Variants in KRT72 observed in about 807,000 individuals in gnomAD.
KRT72 encodes the protein keratin, type II cytoskeletal 72.
In KRT72, 44 loss-of-function variants were observed where a neutral mutation model predicts 44.7. That is an observed-to-expected ratio of 0.98 (90% CI 0.77 to 1.27). The LOEUF (loss-of-function observed/expected upper bound fraction) is 1.27. Among genes scored for constraint, KRT72 ranks in the 50% most tolerant of loss-of-function variants. The probability of loss-of-function intolerance (pLI) is 0.00; values close to 1 mark genes in which losing one functional copy is unlikely to be tolerated. For synonymous variants in KRT72, 302 were observed against 280.4 expected (o/e 1.08, Z -0.77); for missense variants, 736 against 667.1 (o/e 1.10, Z -1.14).
chr12:52,586,806 C>A lies in KRT72; in HGVS notation c.1345+140G>T, dbSNP rs1345495811. 13 of 787,230 alleles carry A rather than the reference C, an allele frequency of 1.7e-5. No individual in the cohort carries two copies. In the East Asian group the frequency reaches 3.0e-4, roughly 18 times the overall value. 48.8% of individuals were successfully genotyped at this position (787,230 alleles called of 1,614,324 possible). A position where few individuals can be genotyped will look rare whatever the true frequency, so the allele number is the denominator to read the frequency against. On this transcript the variant is annotated intron_variant, in intron 8 of 8. Transcript: ENST00000293745. Reference sequence around the variant, plus strand: ...ATCCACTGCTTCCCCTTAGTTACTACAGCCAGCTCCTTCCTTTTTCCCTTA... The same window carrying A: ...ATCCACTGCTTCCCCTTAGTTACTAAAGCCAGCTCCTTCCTTTTTCCCTTA...
chr12:52,587,871 A>T lies in KRT72; in HGVS notation c.1090-20T>A. 1.2e-6 allele frequency: 2 copies of T among 1,608,228 alleles called. No individual in the cohort carries two copies. Among genetic ancestry groups the T allele is most frequent in the Non-Finnish European group, 1.7e-6 (2 of 1,175,944 alleles). ...GGCACACTGAGGGGCAAACAGATCC[A>T]GCACTTAAGAGTCAGAGCCCAGTTC... On this transcript the variant is annotated intron_variant, in intron 6 of 8. Coordinates refer to ENST00000293745, the MANE Select transcript of KRT72 (RefSeq NM_080747.3).
At chr12:52,602,821 G>T (rs1940522147), upstream of KRT72, among the ~76,000 whole-genome samples, 1 of 152,210 alleles carries the variant, frequency 6.6e-6, no homozygotes, top group African/African-American at 2.4e-5. Flanking sequence ...GGTACCTGGG[G>T]GTAATTGGCT....
At position 52,601,014 on chromosome 12, in the gene KRT72, C is replaced by T. The variant is rs1940419903; in HGVS notation, c.426+13G>A. On this transcript the variant is annotated intron_variant, in intron 1 of 8. Transcript: ENST00000293745. ...CGCCCAACGCAGGGACAGGCCAATG[C>T]CCGAGGACTCACCTTGTCGATGAAG... The T allele has an allele frequency of 1.9e-6, 3 of 1,610,578 alleles. No homozygotes were observed. The highest frequency in any genetic ancestry group is 1.7e-6 in the Non-Finnish European group (2 of 1,178,962).
intron 2 of KRT72, among the ~76,000 whole-genome samples, chr12:52,595,430 T>G (rs1349891522): frequency 6.6e-6 from 1 of 152,220 alleles, no homozygotes; most frequent in Non-Finnish European, 1.5e-5. Context: ...TCTTAGTTTA[T>G]TCTGAGTGGA....
At chr12:52,599,193 G>T in intron 1 of KRT72, 81 bp from the exon 2 acceptor site, 1 of 1,385,514 alleles carries the variant, frequency 7.2e-7, no homozygotes, top group Non-Finnish European at 1.0e-6. Context: ...AAAAACCAGA[G>T]GCAGCCATCC....
intron 5 of KRT72, among the ~76,000 whole-genome samples, 174 bp from the exon 6 acceptor site, chr12:52,591,135 C>T (rs1446540822): frequency 6.6e-6 from 1 of 152,168 alleles, no homozygotes; most frequent in Non-Finnish European, 1.5e-5. Flanking sequence ...AAAGTGGAAA[C>T]ATGAAGATAA....
intron 2 of KRT72, among the ~76,000 whole-genome samples, chr12:52,593,485 T>G (rs755013517): frequency 6.6e-6 from 1 of 152,230 alleles, no homozygotes; most frequent in Admixed American, 6.5e-5. Flanking sequence ...TACAGACATA[T>G]TGTTGATTGG....
At chr12:52,587,017 A>G in intron 7 of KRT72, 37 bp from the exon 8 acceptor site, 6 of 1,603,346 alleles carry the variant, frequency 3.7e-6, no homozygotes, top group Non-Finnish European at 5.1e-6. Flanking sequence ...AATCCCCCAT[A>G]AATAATCACC....
intron 2 of KRT72, among the ~76,000 whole-genome samples, chr12:52,598,610 ACTT>A (rs1940299950): frequency 6.6e-6 from 1 of 152,110 alleles, no homozygotes; most frequent in Non-Finnish European, 1.5e-5. Context: ...GCCATGGAAA[ACTT>A]CACTCAGGAG....
chr12:52,593,172 C>T (rs939480087), intron 2 of KRT72, among the ~76,000 whole-genome samples: 1 of 152,194 alleles, frequency 6.6e-6, no homozygotes, highest in East Asian at 1.9e-4. Flanking sequence ...CTTAAAACTA[C>T]CTGCCTCAGA....
intron 4 of KRT72, 95 bp downstream of exon 4, chr12:52,592,301 C>G: frequency 1.2e-6 from 1 of 848,228 alleles, no homozygotes. Context: ...AGCTTTCTCC[C>G]TCCCAATTCT....
At chr12:52,591,226 G>A (rs576957371) in intron 5 of KRT72, among the ~76,000 whole-genome samples, 34 of 152,312 alleles carry the variant, frequency 2.2e-4, no homozygotes, top group Middle Eastern at 3.4e-3. Flanking sequence ...GCCAAGGGCC[G>A]TGATAGGAGA....
intron 1 of KRT72, chr12:52,599,320 G>A: frequency 1.6e-6 from 1 of 640,416 alleles, no homozygotes; most frequent in Non-Finnish European, 2.9e-6. Flanking sequence ...GAATCAGGAA[G>A]AGGGCTTAAG....
intron 6 of KRT72, 31 bp downstream of exon 6, chr12:52,590,805 A>G: frequency 6.5e-7 from 1 of 1,549,798 alleles, no homozygotes; most frequent in South Asian, 1.2e-5. Context: ...CTCAATAAAT[A>G]CTGTTAGTGG....
At chr12:52,598,285 C>A (rs145332905) in intron 2 of KRT72, among the ~76,000 whole-genome samples, 33 of 152,172 alleles carry the variant, frequency 2.2e-4, no homozygotes. Context: ...TCAGCTCTGA[C>A]GACCTCCAGC....
chr12:52,589,026 T>C lies in KRT72; in HGVS notation c.1090-1175A>G, dbSNP rs529760315. On this transcript the variant is annotated intron_variant, in intron 6 of 8. Coordinates refer to ENST00000293745, the MANE Select transcript of KRT72 (RefSeq NM_080747.3). ...AATATATATATATATATTAATTAAT[T>C]AATTAATTAAAGAAGATAGCTTTGC... Among the ~76,000 whole-genome samples, 28 of 151,576 alleles carry C rather than the reference T, an allele frequency of 1.8e-4. No individual in the cohort carries two copies. In the South Asian group the frequency reaches 5.6e-3, roughly 30 times the overall value.
upstream of KRT72, among the ~76,000 whole-genome samples, chr12:52,602,170 G>A (rs1393327290): frequency 6.6e-6 from 1 of 152,182 alleles, no homozygotes; most frequent in African/African-American, 2.4e-5. Flanking sequence ...ATGCTATCTG[G>A]GAGGGAGGGA....
chr12:52,596,321 T>C (rs1940224234), intron 2 of KRT72, among the ~76,000 whole-genome samples: 1 of 152,204 alleles, frequency 6.6e-6, no homozygotes, highest in Non-Finnish European at 1.5e-5. Flanking sequence ...ACTAGAATCC[T>C]ATCTCAGCTC....
At position 52,593,010 on chromosome 12, in the gene KRT72, G is replaced by A. The variant is rs1940107801; in HGVS notation, c.642-58C>T. 26 of 1,523,240 alleles carry A rather than the reference G, an allele frequency of 1.7e-5. No individual in the cohort carries two copies. In the South Asian group the frequency reaches 3.0e-4, roughly 18 times the overall value. The allele number at this position is 1,523,240 out of a possible 1,614,324, so 94.4% of individuals were successfully genotyped here. ...TCTGCAAACACTCACTGAACAGTTA[G>A]TGACCACCTCTGTGCTGAGAGCTGC... On this transcript the variant is annotated intron_variant, in intron 2 of 8. Transcript: ENST00000293745.
Sources: gnomAD v4.1 joint callset for allele counts (sites outside exome capture counted in the v4.1 genomes callset) on GRCh38, gnomAD v4.1.1 for gene constraint, MANE v1.5 for transcripts, NCBI Gene and HGNC (gene_info 2026-07-23, HGNC 2026-07-21) for gene names.